KPNA5: variants seen among roughly 807,000 people sequenced by gnomAD.
KPNA5 encodes the protein importin subunit alpha-6.
Under a neutral mutation model 71.3 loss-of-function variants are expected in KPNA5, and 46 were observed. The ratio of observed to expected loss-of-function variants is 0.65; its 90% CI spans 0.51 to 0.83. KPNA5 has a LOEUF of 0.83. Among genes scored for constraint, KPNA5 ranks in the 40% least tolerant of loss-of-function variants. KPNA5 has a pLI of 0.00. For missense variants in KPNA5, 547 were observed against 628.3 expected (o/e 0.87, Z 1.38); for synonymous variants, 207 against 201.4 (o/e 1.03, Z -0.24).
intron 4 of KPNA5, among the ~76,000 whole-genome samples, chr6:116,694,376 A>G (rs947398239): frequency 6.6e-6 from 1 of 152,080 alleles, no homozygotes; most frequent in African/African-American, 2.4e-5. Flanking sequence ...TAAGCATGGA[A>G]TGTTCTTCCA....
At chr6:116,728,403 G>A (rs1196531526) in intron 12 of KPNA5, among the ~76,000 whole-genome samples, 1 of 151,998 alleles carries the variant, frequency 6.6e-6, no homozygotes, top group African/African-American at 2.4e-5. Context: ...GCATATTTGG[G>A]AAAAGACCTC....
chr6:116,687,567 T>G (rs1362704619), intron 1 of KPNA5, among the ~76,000 whole-genome samples: 1 of 152,208 alleles, frequency 6.6e-6, no homozygotes, highest in Non-Finnish European at 1.5e-5. Context: ...AATAACGGAA[T>G]TCATTATTCT....
chr6:116,692,287 T>A lies in KPNA5; in HGVS notation c.241-6T>A. 6.4e-7 allele frequency: 1 copy of A among 1,555,966 alleles called. No individual in the cohort carries two copies. Among genetic ancestry groups the A allele is most frequent in the Non-Finnish European group, 8.8e-7 (1 of 1,139,756 alleles). On this transcript the variant is annotated splice_region_variant and splice_polypyrimidine_tract_variant and intron_variant, in intron 3 of 13. Coordinates refer to ENST00000368564, the MANE Select transcript of KPNA5 (RefSeq NM_001366306.2). ...TGTTAATTATATTTTTGTGTGTGTG[T>A]TTTAGGAAGAAGTTGTTACTACAGA...
intron 4 of KPNA5, among the ~76,000 whole-genome samples, chr6:116,697,522 C>T (rs1778072582): frequency 6.6e-6 from 1 of 152,016 alleles, no homozygotes; most frequent in African/African-American, 2.4e-5. Context: ...TTAATGAAAA[C>T]ATTTTTCTAT....
At chr6:116,703,780 C>G (rs1778326121) in intron 6 of KPNA5, among the ~76,000 whole-genome samples, 1 of 151,830 alleles carries the variant, frequency 6.6e-6, no homozygotes, top group Non-Finnish European at 1.5e-5. Flanking sequence ...TAAAACTTTC[C>G]CAATTGAAAA....
chr6:116,692,459 T>C (rs189371426), intron 4 of KPNA5, 67 bp downstream of exon 4: 49 of 973,480 alleles, frequency 5.0e-5, no homozygotes, highest in Non-Finnish European at 6.6e-5. Context: ...TATTTTATTG[T>C]TTTTTTTTAA....
chr6:116,722,066 C>A, intron 8 of KPNA5, 60 bp from the exon 9 acceptor site: 1 of 1,286,670 alleles, frequency 7.8e-7, no homozygotes, highest in Non-Finnish European at 1.0e-6. Flanking sequence ...CTATATTTTT[C>A]TAAGGAAACT....
At chr6:116,685,511 C>T (rs1777541945) in intron 1 of KPNA5, among the ~76,000 whole-genome samples, 1 of 152,174 alleles carries the variant, frequency 6.6e-6, no homozygotes. Flanking sequence ...TCATTTAGCT[C>T]CCACTTATAA....
At chr6:116,697,886 G>A (rs1778084837) in intron 4 of KPNA5, among the ~76,000 whole-genome samples, 1 of 151,978 alleles carries the variant, frequency 6.6e-6, no homozygotes. Flanking sequence ...TAGTCACTTA[G>A]GAATATGGTC....
At chr6:116,719,540 A>G (rs917876935) in intron 8 of KPNA5, among the ~76,000 whole-genome samples, 1 of 152,080 alleles carries the variant, frequency 6.6e-6, no homozygotes, top group Non-Finnish European at 1.5e-5. Context: ...AGAGTAGGTA[A>G]CATACCTGGC....
intron 8 of KPNA5, among the ~76,000 whole-genome samples, chr6:116,721,860 G>A (rs184177511): frequency 5.5e-4 from 83 of 152,176 alleles, no homozygotes; most frequent in Admixed American, 2.0e-3. Flanking sequence ...TTGTGGGGGT[G>A]TGTGTGATTT....
intron 11 of KPNA5, among the ~76,000 whole-genome samples, 185 bp downstream of exon 11, chr6:116,726,061 A>AGTGTGTGTGTGTGTGTGTGTGTGTGT (rs58131077): frequency 0.012 from 1,733 of 150,628 alleles, 29 homozygotes; most frequent in African/African-American, 0.03. Flanking sequence ...AAGAACATCA[A>AGTGTGTGTGTGTGTGTGTGTGTGTGT]GTGTGTGTGT....
rs1779544838 is a variant in KPNA5 at position 116,732,798 on chromosome 6, A to G, written c.*475A>G. On this transcript the variant is annotated 3_prime_UTR_variant, in exon 14 of 14. Coordinates refer to ENST00000368564, the MANE Select transcript of KPNA5 (RefSeq NM_001366306.2). ...AACAAAAAAGCTTCAGAAGCATGAAATAATGCAAATGCTAAATTAGAATGT... is the reference window on the plus strand; with the variant it reads ...AACAAAAAAGCTTCAGAAGCATGAAGTAATGCAAATGCTAAATTAGAATGT... The G allele has an allele frequency of 6.6e-6, 1 of 152,024 alleles. No homozygotes were observed. The highest frequency in any genetic ancestry group is 1.5e-5 in the Non-Finnish European group (1 of 67,910). 9.4% of individuals were successfully genotyped at this position (152,024 alleles called of 1,614,324 possible).
chr6:116,695,668 G>C (rs1028075717), intron 4 of KPNA5, among the ~76,000 whole-genome samples: 1 of 152,048 alleles, frequency 6.6e-6, no homozygotes, highest in African/African-American at 2.4e-5. Flanking sequence ...TTCATTTTCT[G>C]TTCCTCACAT....
intron 7 of KPNA5, among the ~76,000 whole-genome samples, chr6:116,714,121 T>C (rs9489018): frequency 0.021 from 3,146 of 152,284 alleles, 101 homozygotes; most frequent in African/African-American, 0.072. Flanking sequence ...GCCTCATAAT[T>C]TCTTGTTGAA....
Position 116,693,954 on chromosome 6 carries a change from T to G in KPNA5, c.340+1562T>G, listed in dbSNP as rs1349382639. ...GGATCCAGTTTCAGCTTTCTACATATGGCTAGCCAGTTTTCCCAGCACCAT... is the reference window on the plus strand; with the variant it reads ...GGATCCAGTTTCAGCTTTCTACATAGGGCTAGCCAGTTTTCCCAGCACCAT... On this transcript the variant is annotated intron_variant, in intron 4 of 13. Transcript: ENST00000368564. Among the ~76,000 whole-genome samples, 163 of 152,284 alleles carry G rather than the reference T, an allele frequency of 1.1e-3. 2 individuals are homozygous for G. The highest frequency in any genetic ancestry group is 1.2e-4 in the Non-Finnish European group (8 of 68,008).
chr6:116,683,463 A>G (rs932724502), intron 1 of KPNA5, among the ~76,000 whole-genome samples: 1 of 152,236 alleles, frequency 6.6e-6, no homozygotes, highest in Non-Finnish European at 1.5e-5. Flanking sequence ...TTTGCACTGT[A>G]ATGAACTCTG....
intron 8 of KPNA5, among the ~76,000 whole-genome samples, chr6:116,720,454 A>G (rs1374318938): frequency 6.6e-6 from 1 of 151,778 alleles, no homozygotes; most frequent in African/African-American, 2.4e-5. Flanking sequence ...TACTTTGCTC[A>G]CTTAATACTG....
intron 13 of KPNA5, among the ~76,000 whole-genome samples, chr6:116,730,570 G>A (rs1299993097): frequency 6.6e-6 from 1 of 152,102 alleles, no homozygotes; most frequent in Non-Finnish European, 1.5e-5. Context: ...GAATACAGTT[G>A]CTGAGTCTTA....
Sources: gnomAD v4.1 joint callset for allele counts (sites outside exome capture counted in the v4.1 genomes callset) on GRCh38, gnomAD v4.1.1 for gene constraint, MANE v1.5 for transcripts, NCBI Gene and HGNC (gene_info 2026-07-23, HGNC 2026-07-21) for gene names.